The following PRSS41 variants were observed in gnomAD, a reference collection of about 807,000 sequenced individuals.
PRSS41 encodes serine protease 41.
In PRSS41, 37 loss-of-function variants were observed where a neutral mutation model predicts 28.8. The observed-to-expected ratio is 1.29, with a 90% CI of 0.99 to 1.69. PRSS41 has a LOEUF of 1.69. Ranked by LOEUF, PRSS41 falls within the 40% of genes most tolerant of loss-of-function variation. The pLI, the probability that PRSS41 is intolerant of heterozygous loss-of-function variation, is 0.00. For synonymous variants in PRSS41, 195 were observed against 163.1 expected, an observed-to-expected ratio of 1.20 and a Z score of -1.49; for missense variants, 431 against 400.7, an observed-to-expected ratio of 1.08 and a Z score of -0.65.
chr16:2,798,908 GCCCAC>G (rs770556732), intron 2 of PRSS41, 46 bp from the exon 3 acceptor site: 49 of 1,414,520 alleles, frequency 3.5e-5, no homozygotes, highest in South Asian at 3.9e-5. Flanking sequence ...GGGCGGGCCT[GCCCAC>G]CCCACCCCAC....
At chr16:2,804,683 A>G in intron 5 of PRSS41, 137 bp downstream of exon 5, 1 of 937,932 alleles carries the variant, frequency 1.1e-6, no homozygotes, top group Admixed American at 2.5e-5. Context: ...TCAGTTACTG[A>G]GCCTACAAAA....
At chr16:2,801,022 C>A (rs1022531356) in intron 4 of PRSS41, among the ~76,000 whole-genome samples, 4 of 152,002 alleles carry the variant, frequency 2.6e-5, no homozygotes, top group Non-Finnish European at 4.4e-5. Flanking sequence ...TGGGATGTAT[C>A]AATAAGGGGT....
intron 4 of PRSS41, among the ~76,000 whole-genome samples, chr16:2,801,933 C>G (rs1429024464): frequency 6.6e-6 from 1 of 151,578 alleles, no homozygotes; most frequent in African/African-American, 2.4e-5. Context: ...AGAGGCGCCC[C>G]TCACCTCCCG....
chr16:2,800,540 C>G (rs1307185057), intron 4 of PRSS41, among the ~76,000 whole-genome samples: 1 of 26,554 alleles, frequency 3.8e-5, no homozygotes, highest in Non-Finnish European at 6.4e-5. Context: ...AAGACTCCAT[C>G]TCAAAAAAAA....
At chr16:2,804,486 T>G in exon 5 of PRSS41, 8 of 1,551,614 alleles carry the variant, frequency 5.2e-6, no homozygotes, top group African/African-American at 2.7e-5. Flanking sequence ...CTAGCCGTAG[T>G]ATGATCTGGG....
At chr16:2,799,911 C>G (rs781100980) in intron 4 of PRSS41, among the ~76,000 whole-genome samples, 33 of 152,364 alleles carry the variant, frequency 2.2e-4, no homozygotes, top group Non-Finnish European at 4.4e-4. Flanking sequence ...ATTGAGGCAA[C>G]TCACAAACCA....
At chr16:2,800,344 C>T (rs2068977778) in intron 4 of PRSS41, among the ~76,000 whole-genome samples, 1 of 152,060 alleles carries the variant, frequency 6.6e-6, no homozygotes, top group African/African-American at 2.4e-5. Flanking sequence ...AGTTCGAGAC[C>T]AGCCTGACCA....
At chr16:2,804,637 A>G (rs1299068645) in intron 5 of PRSS41, 91 bp downstream of exon 5, 14 of 1,252,118 alleles carry the variant, frequency 1.1e-5, no homozygotes, top group Admixed American at 4.5e-5. Context: ...CTCCCAACCC[A>G]TTGCTTAGAT....
At chr16:2,804,846 C>A in intron 5 of PRSS41, 68 bp from the exon 6 acceptor site, 1 of 1,241,688 alleles carries the variant, frequency 8.1e-7, no homozygotes, top group Non-Finnish European at 1.2e-6. Flanking sequence ...ACAGCCCCTC[C>A]TGCTCTCATG....
chr16:2,801,382 T>C (rs1184470399), intron 4 of PRSS41, among the ~76,000 whole-genome samples: 4 of 151,016 alleles, frequency 2.6e-5, no homozygotes, highest in Non-Finnish European at 5.9e-5. Context: ...TGGGTGTTTC[T>C]CACAGAGGGG....
chr16:2,804,875 A>G lies in PRSS41; in HGVS notation c.700-39A>G. The G allele has an allele frequency of 2.6e-6, 4 of 1,510,330 alleles. No individual in the cohort carries two copies. The East Asian group carries it at 9.8e-5, about 37-fold the overall frequency. The allele number at this position is 1,510,330 out of a possible 1,614,324, so 93.6% of individuals were successfully genotyped here. A position where few individuals can be genotyped will look rare whatever the true frequency, so the allele number is the denominator to read the frequency against. On this transcript the variant is annotated intron_variant, in intron 5 of 5. Transcript: ENST00000399677. ...TCTCATGGCCTCTGCTGCCCCACCC[A>G]CTCTGCCCCAGCCTGGGCTCACCCA... is the stretch of plus-strand genomic sequence containing the variant.
chr16:2,804,995 G>T, exon 6 of PRSS41: 1 of 1,581,426 alleles, frequency 6.3e-7, no homozygotes, highest in Non-Finnish European at 8.6e-7. Flanking sequence ...AATGGACTGC[G>T]GTCAACCCAA....
intron 4 of PRSS41, among the ~76,000 whole-genome samples, chr16:2,800,525 A>T (rs531611511): frequency 1.2e-3 from 176 of 143,202 alleles, no homozygotes; most frequent in Middle Eastern, 7.1e-3. Context: ...CCTGGGTGAC[A>T]GAGCAAGACT....
chr16:2,798,908 GCCCA>G, intron 2 of PRSS41, 47 bp from the exon 3 acceptor site: 2 of 1,415,386 alleles, frequency 1.4e-6, no homozygotes, highest in Non-Finnish European at 1.9e-6. Context: ...GGGCGGGCCT[GCCCA>G]CCCCACCCCA....
rs1463904505 is a variant in PRSS41 at position 2,799,132 on chromosome 16, TG to T, written c.257+14del. 1.2e-5 allele frequency: 18 copies of T among 1,513,934 alleles called. No individual in the cohort carries two copies. The Admixed American group carries it at 2.1e-4, about 18-fold the overall frequency. 93.8% of individuals were successfully genotyped at this position (1,513,934 alleles called of 1,614,324 possible). A position where few individuals can be genotyped will look rare whatever the true frequency, so the allele number is the denominator to read the frequency against. On this transcript the variant is annotated intron_variant, in intron 3 of 5. Coordinates refer to ENST00000399677, the Ensembl canonical transcript of PRSS41. ...TGCGCACTGCTTCCAAAAGTGAGTC[TG>T]GGGGGCGGCCGGGGCCTCAGACTTG...
rs986456667 is a variant in PRSS41, at chr16:2,799,588, C to G, written c.541+19C>G. Reference sequence around the variant, plus strand: ...AGTGGCAGTGAGGCTGGGGATAGACCGGGTGGGGTGATGGGGGTGCGGGGT... The same window carrying G: ...AGTGGCAGTGAGGCTGGGGATAGACGGGGTGGGGTGATGGGGGTGCGGGGT... On this transcript the variant is annotated intron_variant, in intron 4 of 5. Transcript: ENST00000399677. 6.5e-5 allele frequency: 100 copies of G among 1,549,508 alleles called. No individual in the cohort carries two copies. The highest frequency in any genetic ancestry group is 8.2e-5 in the Non-Finnish European group (94 of 1,146,520).
At chr16:2,804,663 C>T in intron 5 of PRSS41, 117 bp downstream of exon 5, 1 of 1,070,062 alleles carries the variant, frequency 9.3e-7, no homozygotes, top group Non-Finnish European at 1.4e-6. Context: ...AGGAGAAAAC[C>T]AGTGCAGTCT....
intron 4 of PRSS41, among the ~76,000 whole-genome samples, chr16:2,801,507 C>A (rs980700210): frequency 4.0e-5 from 6 of 151,334 alleles, no homozygotes; most frequent in African/African-American, 1.5e-4. Flanking sequence ...GTGTTTGTGT[C>A]CCTGATTACT....
Position 2,799,111 on chromosome 16 carries a change from C to T in PRSS41, c.244C>T (p.His82Tyr), listed in dbSNP as rs909540163. ...CCGCCGCTGGGTGCTCTCGGCTGCG[C>T]ACTGCTTCCAAAAGTGAGTCTGGGG... The change falls in exon 3 of 6, where the codon CAC (histidine) becomes TAC (tyrosine). Residue 82 changes from histidine (H) to tyrosine (Y), a missense_variant. Physicochemically the swap from His to Tyr is moderately conservative, Grantham distance 83. Transcript: ENST00000399677. 5 of 1,524,136 alleles carry T rather than the reference C, an allele frequency of 3.3e-6. No individual in the cohort carries two copies. In the Admixed American group the frequency reaches 1.0e-4, roughly 32 times the overall value. 94.4% of individuals were successfully genotyped at this position (1,524,136 alleles called of 1,614,324 possible).
Sources: gnomAD v4.1 joint callset for allele counts (sites outside exome capture counted in the v4.1 genomes callset) on GRCh38, gnomAD v4.1.1 for gene constraint, MANE v1.5 for transcripts, NCBI Gene and HGNC (gene_info 2026-07-23, HGNC 2026-07-21) for gene names.